VPS13C: variants seen among roughly 807,000 people sequenced by gnomAD.
The protein encoded by VPS13C is intermembrane lipid transfer protein VPS13C.
Under a neutral mutation model 456.8 loss-of-function variants are expected in VPS13C, and 358 were observed. The ratio of observed to expected loss-of-function variants is 0.78; its 90% CI spans 0.72 to 0.86. VPS13C has a LOEUF of 0.86. VPS13C is among the 40% of genes least tolerant of loss of function. The pLI is 0.00. For synonymous variants in VPS13C, 1,578 were observed against 1,486.7 expected (o/e 1.06, Z -1.41); for missense variants, 4,818 against 4,385.4 (o/e 1.10, Z -2.79).
intron 22 of VPS13C, among the ~76,000 whole-genome samples, 193 bp downstream of exon 22, chr15:61,981,149 A>C (rs2045873855): frequency 1.3e-5 from 2 of 152,204 alleles, no homozygotes; most frequent in South Asian, 4.1e-4. Flanking sequence ...ACCACTACAG[A>C]AAATTTGGAG....
At chr15:62,010,623 A>G (rs1265204464) in intron 12 of VPS13C, 24 bp from the exon 13 acceptor site, 1 of 1,598,314 alleles carries the variant, frequency 6.3e-7, no homozygotes, top group African/African-American at 1.3e-5. Flanking sequence ...GGAAGACATA[A>G]GATATGTTCA....
At chr15:62,037,559 A>T (rs995618997) in intron 3 of VPS13C, among the ~76,000 whole-genome samples, 6 of 103,926 alleles carry the variant, frequency 5.8e-5, no homozygotes, top group African/African-American at 1.8e-4. Flanking sequence ...GCTATAATTG[A>T]TCTAAGACAC....
chr15:62,035,539 T>C (rs2047964653), intron 3 of VPS13C, among the ~76,000 whole-genome samples: 3 of 151,886 alleles, frequency 2.0e-5, no homozygotes, highest in African/African-American at 7.3e-5. Flanking sequence ...AACAGTAAAA[T>C]AATATCTGCA....
intron 26 of VPS13C, among the ~76,000 whole-genome samples, chr15:61,973,251 AC>A (rs2045608580): frequency 6.6e-6 from 1 of 152,104 alleles, no homozygotes; most frequent in Non-Finnish European, 1.5e-5. Flanking sequence ...ACAAAAAAAA[AC>A]CCTTCATTTG....
chr15:61,987,890 C>A (rs1236473743), intron 18 of VPS13C, among the ~76,000 whole-genome samples: 1 of 152,002 alleles, frequency 6.6e-6, no homozygotes, highest in Non-Finnish European at 1.5e-5. Context: ...GTATTTAACT[C>A]AAGAGAAGTA....
chr15:61,991,581 A>G (rs1043715205), intron 17 of VPS13C, 92 bp downstream of exon 17: 2 of 1,385,914 alleles, frequency 1.4e-6, no homozygotes, highest in South Asian at 3.5e-5. Context: ...TTTCAAATGT[A>G]TTTCAAAATA....
intron 53 of VPS13C, among the ~76,000 whole-genome samples, chr15:61,924,196 C>T (rs1188226557): frequency 6.6e-6 from 1 of 152,178 alleles, no homozygotes; most frequent in Non-Finnish European, 1.5e-5. Context: ...GATTTTTTCA[C>T]ACCTCTGCCT....
At chr15:62,043,600 T>C (rs1314263086) in intron 2 of VPS13C, among the ~76,000 whole-genome samples, 1 of 152,090 alleles carries the variant, frequency 6.6e-6, no homozygotes, top group East Asian at 1.9e-4. Context: ...AGTGAGACTG[T>C]ATCTCAAAAA....
chr15:61,945,810 C>T lies in VPS13C; in HGVS notation c.5053G>A (p.Ala1685Thr). 6.2e-7 allele frequency: 1 copy of T among 1,613,434 alleles called. No homozygotes were observed. The highest frequency in any genetic ancestry group is 8.5e-7 in the Non-Finnish European group (1 of 1,179,718). Residue 1685 changes from alanine (A) to threonine (T), a missense_variant, in exon 45 of 85, where the codon GCC becomes ACC. Ala to Thr is a moderately conservative substitution (Grantham distance 58). This residue lies in a region of VPS13C where 4,552 missense variants were observed against 4,130.6 expected (regional missense o/e 1.10). Transcript: ENST00000644861. Reference sequence around the variant, plus strand: ...TCTACTTTGGACATATCAGCATAGGCCTCTCCTTCTGTGGCATCTGGATAA... The same window carrying T: ...TCTACTTTGGACATATCAGCATAGGTCTCTCCTTCTGTGGCATCTGGATAA... ...TLYPDATEGE[A>T]YADMSKVDGK...
chr15:62,008,785 T>A, intron 13 of VPS13C, 24 bp from the exon 14 acceptor site: 1 of 1,360,000 alleles, frequency 7.4e-7, no homozygotes, highest in South Asian at 1.4e-5. Flanking sequence ...AATAAAATTA[T>A]ATTTATTACA....
At chr15:61,985,979 A>T (rs1052416981) in intron 18 of VPS13C, among the ~76,000 whole-genome samples, 3 of 152,054 alleles carry the variant, frequency 2.0e-5, no homozygotes, top group African/African-American at 7.2e-5. Context: ...GCTATATATC[A>T]TAAGAGTAAA....
At chr15:62,006,498 C>T (rs182155726) in intron 15 of VPS13C, among the ~76,000 whole-genome samples, 2 of 152,110 alleles carry the variant, frequency 1.3e-5, no homozygotes, top group Non-Finnish European at 2.9e-5. Context: ...TTAATCCAGT[C>T]TATCGTTGTT....
chr15:61,876,699 C>T (rs1431891951), intron 75 of VPS13C, among the ~76,000 whole-genome samples: 1 of 151,802 alleles, frequency 6.6e-6, no homozygotes, highest in Non-Finnish European at 1.5e-5. Context: ...CTGAAGAAAT[C>T]AAGTATAATG....
chr15:62,008,454 G>A (rs1178228567), intron 14 of VPS13C, among the ~76,000 whole-genome samples: 1 of 151,874 alleles, frequency 6.6e-6, no homozygotes, highest in Non-Finnish European at 1.5e-5. Flanking sequence ...ATGTTCATAT[G>A]AAAAAAGTAA....
At chr15:62,000,694 G>C (rs1320808159) in intron 15 of VPS13C, 68 bp from the exon 16 acceptor site, 1 of 1,347,690 alleles carries the variant, frequency 7.4e-7, no homozygotes, top group South Asian at 1.4e-5. Context: ...TTTCTTTCAT[G>C]ATTTCTAGGC....
chr15:61,860,953 CTT>C lies in VPS13C; in HGVS notation c.10952+2485_10952+2486del, dbSNP rs781045840. ...GCATGTATGGTTAGTTATTTTCTTT[CTT>C]TTTTTTTTTTTTTTTTTTTTTTTTG... On this transcript the variant is annotated intron_variant, in intron 82 of 84. Coordinates refer to ENST00000644861, the MANE Select transcript of VPS13C (RefSeq NM_020821.3). Among the ~76,000 whole-genome samples the C allele has an allele frequency of 8.1e-3, 728 of 89,650 alleles. 4 individuals carry two copies. The highest frequency in any genetic ancestry group is 0.029 in the African/African-American group (689 of 23,610). The allele number at this position is 89,650 out of a possible 152,430, so 58.8% of individuals were successfully genotyped here.
At position 61,962,383 on chromosome 15, in the gene VPS13C, A is replaced by C. The variant is rs201969630; in HGVS notation, c.3591T>G (p.Leu1197=). Residue 1197 remains leucine, a synonymous_variant, in exon 34 of 85, where the codon CTT becomes CTG. Transcript: ENST00000644861. ...CIQIVYLHKF[L]MSLLNFLNNF... ...ATAATTATTTTACCAGAAGTGACAT[A>C]AGGAATTTATGAAGATAGACAATCT... The C allele has an allele frequency of 9.3e-5, 147 of 1,586,952 alleles. No individual in the cohort carries two copies. The highest frequency in any genetic ancestry group is 1.2e-4 in the Non-Finnish European group (138 of 1,167,406).
intron 15 of VPS13C, 120 bp from the exon 16 acceptor site, chr15:62,000,746 T>C (rs953834165): frequency 1.4e-6 from 1 of 691,954 alleles, no homozygotes; most frequent in South Asian, 2.8e-5. Flanking sequence ...AATGAAAGTA[T>C]TAGTATAAAT....
intron 61 of VPS13C, among the ~76,000 whole-genome samples, chr15:61,914,470 G>A (rs1347899148): frequency 6.6e-6 from 1 of 151,948 alleles, no homozygotes; most frequent in Non-Finnish European, 1.5e-5. Context: ...TTGGGAGGTT[G>A]AGGCAGGAGA....
Sources: allele counts gnomAD v4.1 joint callset (sites outside exome capture counted in the v4.1 genomes callset), GRCh38; gene constraint gnomAD v4.1.1; regional missense constraint gnomAD v4.1.1; transcripts MANE v1.5; gene names NCBI Gene and HGNC (gene_info 2026-07-23, HGNC 2026-07-21).